ADARB1: variants seen among roughly 807,000 people sequenced by gnomAD.
The protein encoded by ADARB1 is double-stranded RNA-specific editase 1.
ADARB1 carries 10 observed loss-of-function variants against 52.4 expected under a neutral mutation model. The ratio of observed to expected loss-of-function variants is 0.19; its 90% CI spans 0.12 to 0.32. The LOEUF is 0.32. Ranked by LOEUF, ADARB1 falls within the 10% of genes least tolerant of loss-of-function variation. The probability of loss-of-function intolerance (pLI) is 1.00; values close to 1 mark genes in which losing one functional copy is unlikely to be tolerated. For missense variants in ADARB1, 643 were observed against 922.3 expected (o/e 0.70, Z 3.92); for synonymous variants, 349 against 371.1 (o/e 0.94, Z 0.68).
chr21:45,179,007 T>G (rs1226527360), intron 4 of ADARB1, among the ~76,000 whole-genome samples: 1 of 152,188 alleles, frequency 6.6e-6, no homozygotes, highest in Non-Finnish European at 1.5e-5. Context: ...AATGGAAACT[T>G]TTATTTCCTC....
In ADARB1 at chr21:45,139,742, A is replaced by G. The variant is rs542325391; in HGVS notation, c.-48+11169A>G. 4.7e-4 allele frequency among the ~76,000 whole-genome samples: 72 copies of G among 152,328 alleles called. 1 individual carries two copies. The highest frequency in any genetic ancestry group is 1.7e-3 in the African/African-American group (71 of 41,580). On this transcript the variant is annotated intron_variant, in intron 2 of 10. Transcript: ENST00000348831. ...GAGGGACCACTGCCTTTCTTATGCT[A>G]TCGCCAGCCTTTTCCAGCTTATTCA... is the stretch of plus-strand genomic sequence containing the variant.
At chr21:45,079,702 A>G (rs1291009483) in intron 1 of ADARB1, among the ~76,000 whole-genome samples, 1 of 152,262 alleles carries the variant, frequency 6.6e-6, no homozygotes, top group Admixed American at 6.5e-5. Context: ...AAGTACCTAA[A>G]ATAGTACCTG....
At chr21:45,185,719 CTT>C (rs1255784960) in intron 8 of ADARB1, among the ~76,000 whole-genome samples, 1 of 152,056 alleles carries the variant, frequency 6.6e-6, no homozygotes, top group Non-Finnish European at 1.5e-5. Flanking sequence ...TCCAGTAGTT[CTT>C]TGTTTTCATT....
chr21:45,190,568 C>T (rs2092253570), intron 8 of ADARB1, among the ~76,000 whole-genome samples: 1 of 152,196 alleles, frequency 6.6e-6, no homozygotes, highest in Admixed American at 6.5e-5. Flanking sequence ...AAAGAACCAT[C>T]TCTCCCAGTC....
chr21:45,191,669 GATTTTTGTTTATAAGTTAA>G (rs1470217007), intron 8 of ADARB1, among the ~76,000 whole-genome samples: 2 of 151,348 alleles, frequency 1.3e-5, no homozygotes, highest in East Asian at 1.9e-4. Context: ...TTTTACTTAG[GATTTTTGTTTATAAGTTAA>G]ATAGGCCTAT....
intron 2 of ADARB1, among the ~76,000 whole-genome samples, chr21:45,131,785 G>A (rs968433212): frequency 6.6e-6 from 1 of 152,212 alleles, no homozygotes; most frequent in East Asian, 1.9e-4. Context: ...GGGGCTCTTG[G>A]GGCCAGAAGG....
rs765702168 is a variant in ADARB1 at position 45,176,470 on chromosome 21, G to C, written c.769G>C (p.Glu257Gln). ...LKYDFLSESGESHAKSFVMSV... is the reference protein window; with the variant it reads ...LKYDFLSESGQSHAKSFVMSV... ...GTATGACTTCCTCTCCGAGAGCGGG[G>C]AGAGCCATGCCAAGAGCTTCGTCAT... Residue 257 changes from glutamate to glutamine, a missense_variant, in exon 4 of 11, where the codon GAG (glutamate) becomes CAG (glutamine). Glu to Gln is a conservative substitution (Grantham distance 29). Transcript: ENST00000348831. This position sits in a 1 kb window ranked among gnomAD's most constrained non-coding sequence, Gnocchi z 5.8. 1 of 1,614,192 alleles carries C rather than the reference G, an allele frequency of 6.2e-7. No individual in the cohort carries two copies. Among genetic ancestry groups the C allele is most frequent in the Non-Finnish European group, 8.5e-7 (1 of 1,180,036 alleles).
chr21:45,117,402 A>G (rs976267900), intron 1 of ADARB1, among the ~76,000 whole-genome samples: 16 of 152,200 alleles, frequency 1.1e-4, no homozygotes, highest in Non-Finnish European at 2.1e-4. Flanking sequence ...GGATTCTGGC[A>G]TATATAATAG....
intron 1 of ADARB1, among the ~76,000 whole-genome samples, chr21:45,116,452 A>G (rs2087830934): frequency 6.6e-6 from 1 of 152,264 alleles, no homozygotes. Context: ...AACTAGGAAG[A>G]GACATATTAG....
At chr21:45,196,502 GT>G (rs2092429421) in intron 8 of ADARB1, among the ~76,000 whole-genome samples, 1 of 152,174 alleles carries the variant, frequency 6.6e-6, no homozygotes. Context: ...AACTGTCAAA[GT>G]TTAAAAATTA....
intron 1 of ADARB1, among the ~76,000 whole-genome samples, chr21:45,121,601 G>A (rs1454079494): frequency 2.6e-5 from 4 of 152,104 alleles, no homozygotes; most frequent in East Asian, 1.9e-4. Context: ...TCTGTCTCTC[G>A]TGTGTCTCTG....
chr21:45,197,272 C>T lies in ADARB1; in HGVS notation c.1566-7283C>T, dbSNP rs182836450. Among the ~76,000 whole-genome samples the T allele has an allele frequency of 2.2e-3, 329 of 151,558 alleles. 2 individuals carry two copies. The highest frequency in any genetic ancestry group is 7.1e-3 in the African/African-American group (292 of 41,292). Reference sequence around the variant, plus strand: ...ATCCCAACTCTTTGGGAGGCCGAGGCGGGTGGATCACAAGGTCAGGAGTTC... The same window carrying T: ...ATCCCAACTCTTTGGGAGGCCGAGGTGGGTGGATCACAAGGTCAGGAGTTC... On this transcript the variant is annotated intron_variant, in intron 8 of 10. Transcript: ENST00000348831.
chr21:45,175,831 G>C lies in ADARB1; in HGVS notation c.130G>C (p.Gly44Arg). The stretch of plus-strand genomic sequence containing the variant: ...TGGCGAGGGCTCTCAGCTCTCCAAT[G>C]GGGGTGGTGGTGGCCCCGGCAGAAA... ...GPGEGSQLSN[G>R]GGGGPGRKRP... Residue 44 changes from glycine to arginine, a missense_variant, in exon 4 of 11, where the codon GGG becomes CGG. Gly to Arg is a moderately radical substitution (Grantham distance 125). Around this residue, in one of 2 missense-constraint regions of ADARB1, gnomAD observed 380 missense variants for 446.5 expected, o/e 0.85. Transcript: ENST00000348831. 1 of 1,614,156 alleles carries C rather than the reference G, an allele frequency of 6.2e-7. No homozygotes were observed. Among genetic ancestry groups the C allele is most frequent in the Non-Finnish European group, 8.5e-7 (1 of 1,180,022 alleles).
At chr21:45,151,205 G>A (rs894192459) in intron 2 of ADARB1, among the ~76,000 whole-genome samples, 3 of 152,208 alleles carry the variant, frequency 2.0e-5, no homozygotes, top group Non-Finnish European at 4.4e-5. Flanking sequence ...GAACTCTGCC[G>A]CTACTAGGAG....
At chr21:45,122,090 G>A (rs1485655506) in intron 1 of ADARB1, among the ~76,000 whole-genome samples, 1 of 152,184 alleles carries the variant, frequency 6.6e-6, no homozygotes, top group Admixed American at 6.5e-5. Flanking sequence ...TGTACTTGCT[G>A]CAGTAATTAC....
At chr21:45,203,465 C>A (rs1246849444) in intron 8 of ADARB1, among the ~76,000 whole-genome samples, 1 of 152,188 alleles carries the variant, frequency 6.6e-6, no homozygotes. Flanking sequence ...GTATCTCCCC[C>A]CAGGTACTTC....
rs983248877 is a variant in ADARB1, at chr21:45,077,947, A to G, written c.-220+3154A>G. 3.3e-5 allele frequency among the ~76,000 whole-genome samples: 5 copies of G among 152,332 alleles called. No homozygotes were observed. In the East Asian group the frequency reaches 5.8e-4, roughly 18 times the overall value. On this transcript the variant is annotated intron_variant, in intron 1 of 10. Transcript: ENST00000348831. ...GTGGACAGGGACAGCGCAGTAGCCC[A>G]CAGAGGTCTTCGTGGCAGGGCTTAC...
chr21:45,125,149 T>G (rs1055894189), intron 1 of ADARB1, among the ~76,000 whole-genome samples: 1 of 152,256 alleles, frequency 6.6e-6, no homozygotes, highest in African/African-American at 2.4e-5. Context: ...GCTTACAAGC[T>G]TTTTGGAATA....
chr21:45,111,560 T>A (rs2087537135), intron 1 of ADARB1, among the ~76,000 whole-genome samples: 1 of 152,252 alleles, frequency 6.6e-6, no homozygotes, highest in Non-Finnish European at 1.5e-5. Flanking sequence ...GGATCCATCC[T>A]TACAGTATGC....
Sources: gnomAD v4.1 joint callset for allele counts (sites outside exome capture counted in the v4.1 genomes callset) on GRCh38, gnomAD v4.1.1 for gene constraint, gnomAD v4.1.1 regional missense constraint, Gnocchi (gnomAD v3.1) non-coding constraint, MANE v1.5 for transcripts, NCBI Gene and HGNC (gene_info 2026-07-23, HGNC 2026-07-21) for gene names.